The following CELF2 variants were observed in gnomAD, a reference collection of about 807,000 sequenced individuals.
CELF2 encodes the protein CUGBP Elav-like family member 2, also known as CUG triplet repeat RNA-binding protein 2.
Under a neutral mutation model 62.6 loss-of-function variants are expected in CELF2, and 8 were observed. The ratio of observed to expected loss-of-function variants is 0.13; its 90% CI spans 0.07 to 0.23. The LOEUF is 0.23. Ranked by LOEUF, CELF2 falls within the 10% of genes least tolerant of loss-of-function variation. The probability of loss-of-function intolerance (pLI) is 1.00; values close to 1 mark genes in which losing one functional copy is unlikely to be tolerated. For missense variants in CELF2, 333 were observed against 671.0 expected (o/e 0.50, Z 5.56); for synonymous variants, 258 against 250.0 (o/e 1.03, Z -0.30).
the CELF2 span, among the ~76,000 whole-genome samples, chr10:10,715,909 C>A: frequency 4.6e-5 from 7 of 152,298 alleles, no homozygotes; most frequent in Admixed American, 3.3e-4. Context: ...AAATATTGAA[C>A]CTTTCTGCAT....
intron 1 of CELF2, among the ~76,000 whole-genome samples, chr10:11,054,602 G>A (rs1034134774): frequency 6.6e-6 from 1 of 151,956 alleles, no homozygotes; most frequent in Admixed American, 6.6e-5. Context: ...TGGCCTACAG[G>A]ACACTCTGGT....
chr10:10,890,539 A>G (rs2062060215), intron 1 of CELF2, among the ~76,000 whole-genome samples: 1 of 152,252 alleles, frequency 6.6e-6, no homozygotes, highest in Non-Finnish European at 1.5e-5. Flanking sequence ...GATGAAATTT[A>G]GGGTTGTTTA....
the CELF2 span, among the ~76,000 whole-genome samples, chr10:10,698,265 C>T: frequency 2.8e-4 from 42 of 152,218 alleles, 1 homozygote; most frequent in South Asian, 3.5e-3. Context: ...CCAATGGAAT[C>T]GATTAATAGC....
chr10:11,141,095 A>G (rs1185855217), intron 1 of CELF2, among the ~76,000 whole-genome samples: 1 of 152,196 alleles, frequency 6.6e-6, no homozygotes, highest in Non-Finnish European at 1.5e-5. Context: ...CACTCACCAC[A>G]TGCCGGGCGC....
chr10:11,252,723 G>A (rs370139325), intron 4 of CELF2, among the ~76,000 whole-genome samples: 16 of 152,216 alleles, frequency 1.1e-4, no homozygotes, highest in South Asian at 8.3e-4. Context: ...GGAAGCTCGC[G>A]GCATCGTGTT....
At chr10:10,685,160 C>T in the CELF2 span, among the ~76,000 whole-genome samples, 2 of 152,142 alleles carry the variant, frequency 1.3e-5, no homozygotes, top group African/African-American at 4.8e-5. Context: ...CCTCTGGGAA[C>T]CAGGGGGCCA....
intron 1 of CELF2, among the ~76,000 whole-genome samples, chr10:11,147,113 T>G (rs1420434770): frequency 1.3e-5 from 2 of 152,080 alleles, no homozygotes; most frequent in African/African-American, 4.8e-5. Flanking sequence ...ACCCACCCAC[T>G]CCCTTGTGCC....
At chr10:10,613,566 G>T in the CELF2 span, among the ~76,000 whole-genome samples, 1 of 152,098 alleles carries the variant, frequency 6.6e-6, no homozygotes, top group African/African-American at 2.4e-5. Flanking sequence ...TAGTTTTATT[G>T]TTTAATTACA....
chr10:11,080,747 G>A (rs960094418), intron 1 of CELF2, among the ~76,000 whole-genome samples: 3 of 152,230 alleles, frequency 2.0e-5, no homozygotes, highest in African/African-American at 4.8e-5. Context: ...CCCCTATTCC[G>A]GAGGTGGAGG....
intron 9 of CELF2, among the ~76,000 whole-genome samples, chr10:11,307,487 A>G (rs539569903): frequency 6.6e-6 from 1 of 152,356 alleles, no homozygotes; most frequent in Admixed American, 6.5e-5. Flanking sequence ...TAGATCCTAT[A>G]TCATTTTGTC....
rs567517483 is a variant in CELF2, at chr10:10,886,157, C to G, written c.54-33807C>G. 2.0e-5 allele frequency among the ~76,000 whole-genome samples: 3 copies of G among 152,202 alleles called. No individual in the cohort carries two copies. The South Asian group carries it at 6.2e-4, about 32-fold the overall frequency. ...CCTTCATTCCTACCCTTCCCTCCTTCTTTCCTTCCTTTCTTCCTTCCTCTC... is the reference window on the plus strand; with the variant it reads ...CCTTCATTCCTACCCTTCCCTCCTTGTTTCCTTCCTTTCTTCCTTCCTCTC... On this transcript the variant is annotated intron_variant, in intron 1 of 13. Transcript: ENST00000636488.
At chr10:10,746,513 A>C in the CELF2 span, among the ~76,000 whole-genome samples, 1 of 152,184 alleles carries the variant, frequency 6.6e-6, no homozygotes, top group Non-Finnish European at 1.5e-5. Flanking sequence ...AGCTTAAGGA[A>C]ATCATTTTAA....
At chr10:11,132,268 C>G (rs1457417923) in intron 1 of CELF2, among the ~76,000 whole-genome samples, 1 of 152,178 alleles carries the variant, frequency 6.6e-6, no homozygotes, top group Non-Finnish European at 1.5e-5. Flanking sequence ...TGCTAAAGAT[C>G]TATTACTTAA....
chr10:10,956,459 C>T (rs1405088747), intron 2 of CELF2, among the ~76,000 whole-genome samples: 1 of 152,202 alleles, frequency 6.6e-6, no homozygotes, highest in Non-Finnish European at 1.5e-5. Context: ...ATTTTGGAAG[C>T]AGCCCAGACT....
intron 1 of CELF2, among the ~76,000 whole-genome samples, chr10:10,857,317 G>A (rs773767790): frequency 1.3e-5 from 2 of 151,958 alleles, no homozygotes; most frequent in Non-Finnish European, 2.9e-5. Context: ...TTTCCAACCA[G>A]ATGCAGTGAA....
intron 4 of CELF2, among the ~76,000 whole-genome samples, chr10:11,253,133 C>T (rs959768784): frequency 1.3e-5 from 2 of 152,164 alleles, no homozygotes; most frequent in African/African-American, 2.4e-5. Flanking sequence ...GTCTCAGAGG[C>T]TGGAGCTGTG....
At chr10:11,284,319 T>C (rs1273620814) in intron 8 of CELF2, among the ~76,000 whole-genome samples, 6 of 80,500 alleles carry the variant, frequency 7.5e-5, no homozygotes, top group Non-Finnish European at 1.4e-4. Context: ...GGGATGAGTG[T>C]GTGGTGGGTG....
At chr10:11,025,474 G>A (rs1048306882) in intron 1 of CELF2, among the ~76,000 whole-genome samples, 1 of 152,010 alleles carries the variant, frequency 6.6e-6, no homozygotes, top group African/African-American at 2.4e-5. Flanking sequence ...TTCGTTCAAC[G>A]CTTTCCCTTC....
chr10:10,882,764 C>T lies in CELF2; in HGVS notation c.54-37200C>T, dbSNP rs147246274. On this transcript the variant is annotated intron_variant, in intron 1 of 13. Transcript: ENST00000636488. ...ATAAAGTGCATTTTATTATTTTACT[C>T]CTATTATTTTATTCTATTATTCCAA... 1.9e-3 allele frequency among the ~76,000 whole-genome samples: 290 copies of T among 152,162 alleles called. 4 individuals are homozygous for T. The East Asian group carries it at 0.041, about 22-fold the overall frequency.
Sources: gnomAD v4.1 joint callset for allele counts (sites outside exome capture counted in the v4.1 genomes callset) on GRCh38, gnomAD v4.1.1 for gene constraint, MANE v1.5 for transcripts, NCBI Gene and HGNC (gene_info 2026-07-23, HGNC 2026-07-21) for gene names.